The following KIF13A variants were observed in gnomAD, a reference collection of about 807,000 sequenced individuals.
KIF13A encodes kinesin-like protein KIF13A.
A neutral mutation model predicts 212.2 loss-of-function variants in KIF13A; 79 were observed. The observed-to-expected ratio is 0.37, with a 90% CI of 0.31 to 0.45. The LOEUF is 0.45. Among genes scored for constraint, KIF13A ranks in the 20% least tolerant of loss-of-function variants. The pLI, the probability that KIF13A is intolerant of heterozygous loss-of-function variation, is 1.00. For synonymous variants in KIF13A, 789 were observed against 808.6 expected, an observed-to-expected ratio of 0.98 and a Z score of 0.41; for missense variants, 1,901 against 2,209.0, an observed-to-expected ratio of 0.86 and a Z score of 2.79.
intron 2 of KIF13A, among the ~76,000 whole-genome samples, chr6:17,943,792 G>C (rs570133026): frequency 6.6e-6 from 1 of 152,160 alleles, no homozygotes; most frequent in Non-Finnish European, 1.5e-5. Context: ...GCGTGGAAGT[G>C]CGTGGCATGC....
rs181293563 is a variant in KIF13A at position 17,936,779 on chromosome 6, T to A, written c.147-38599A>T. Among the ~76,000 whole-genome samples, 773 of 152,224 alleles carry A rather than the reference T, an allele frequency of 5.1e-3. 2 individuals carry two copies. Among genetic ancestry groups the A allele is most frequent in the Middle Eastern group, 0.034 (10 of 294 alleles). On this transcript the variant is annotated intron_variant, in intron 2 of 38. Coordinates refer to ENST00000259711, the MANE Select transcript of KIF13A (RefSeq NM_022113.6). ...AATACAAACATTCAAAAAAATGTAA[T>A]GAATGATGAAATTTCTATAAAGCAG...
In KIF13A at chr6:17,825,995, A is replaced by G; in HGVS notation, c.1619+43T>C. On this transcript the variant is annotated intron_variant, in intron 15 of 38. Transcript: ENST00000259711. This position sits in a 1 kb window ranked among gnomAD's most constrained non-coding sequence, Gnocchi z 4.5. ...GTTTTACACTTAAATAGATAACAGA[A>G]AAAATGTATACGAAAATATATTACA... is the stretch of plus-strand genomic sequence containing the variant. 1 of 1,610,674 alleles carries G rather than the reference A, an allele frequency of 6.2e-7. No homozygotes were observed. The highest frequency in any genetic ancestry group is 1.3e-5 in the African/African-American group (1 of 74,918).
intron 2 of KIF13A, among the ~76,000 whole-genome samples, chr6:17,904,018 G>A (rs191952674): frequency 1.3e-5 from 2 of 151,920 alleles, no homozygotes; most frequent in African/African-American, 2.4e-5. Context: ...GTAGTTGGGT[G>A]TGGTGGCACA....
In KIF13A at chr6:17,926,264, C is replaced by T. The variant is rs904470330; in HGVS notation, c.147-28084G>A. 3.2e-4 allele frequency among the ~76,000 whole-genome samples: 49 copies of T among 152,162 alleles called. No individual in the cohort carries two copies. The highest frequency in any genetic ancestry group is 1.1e-3 in the African/African-American group (46 of 41,428). On this transcript the variant is annotated intron_variant, in intron 2 of 38. Coordinates refer to ENST00000259711, the MANE Select transcript of KIF13A (RefSeq NM_022113.6). The surrounding 1 kb of genome is among the most constrained non-coding windows in gnomAD (Gnocchi z 4.3). Reference sequence around the variant, plus strand: ...TTTATTTTTTTGAGGCAGAGTCTCACTCTGTCACCCAGACTGGAATGCAGT... The same window carrying T: ...TTTATTTTTTTGAGGCAGAGTCTCATTCTGTCACCCAGACTGGAATGCAGT...
At chr6:17,827,660 G>A (rs1170825152) in intron 14 of KIF13A, among the ~76,000 whole-genome samples, 1 of 151,928 alleles carries the variant, frequency 6.6e-6, no homozygotes, top group Non-Finnish European at 1.5e-5. Context: ...TGGGACTAGA[G>A]GAATTGAACA....
downstream of KIF13A, chr6:17,760,873 C>A: frequency 1.2e-6 from 2 of 1,613,716 alleles, no homozygotes; most frequent in Non-Finnish European, 1.7e-6. Context: ...TGAGGTTGTG[C>A]CTCCCTGGAA....
At chr6:17,873,326 GGAA>G in intron 4 of KIF13A, 48 bp downstream of exon 4, 1 of 1,233,018 alleles carries the variant, frequency 8.1e-7, no homozygotes, top group Non-Finnish European at 1.2e-6. Flanking sequence ...TAAACTCAAT[GGAA>G]GAAGAGGCCA....
At chr6:17,788,356 T>G (rs1463009138) in intron 26 of KIF13A, among the ~76,000 whole-genome samples, 1 of 152,148 alleles carries the variant, frequency 6.6e-6, no homozygotes, top group Non-Finnish European at 1.5e-5. Flanking sequence ...AGCAGAGAAC[T>G]TTTCAAACTT....
chr6:17,773,513 G>A lies in KIF13A; in HGVS notation c.4289C>T (p.Thr1430Ile), dbSNP rs1759672489. 1 of 1,610,478 alleles carries A rather than the reference G, an allele frequency of 6.2e-7. No individual in the cohort carries two copies. The highest frequency in any genetic ancestry group is 8.5e-7 in the Non-Finnish European group (1 of 1,177,260). ...SSYQDVACYGTLPRDSPRRNK... is the reference protein window; with the variant it reads ...SSYQDVACYGILPRDSPRRNK... Reference sequence around the variant, plus strand: ...CCTTCGAGGAGAATCCCTGGGTAAAGTTCCATAACATGCTACATCTTGGTA... The same window carrying A: ...CCTTCGAGGAGAATCCCTGGGTAAAATTCCATAACATGCTACATCTTGGTA... Residue 1430 changes from threonine (T) to isoleucine (I), a missense_variant, in exon 36 of 39, where the codon ACT (threonine) becomes ATT (isoleucine). Coordinates refer to ENST00000259711, the MANE Select transcript of KIF13A (RefSeq NM_022113.6). This position sits in a 1 kb window ranked among gnomAD's most constrained non-coding sequence, Gnocchi z 4.2.
At chr6:17,823,016 T>C (rs1052298061) in intron 16 of KIF13A, among the ~76,000 whole-genome samples, 1 of 149,884 alleles carries the variant, frequency 6.7e-6, no homozygotes, top group Non-Finnish European at 1.5e-5. Flanking sequence ...TTTTTCCTAC[T>C]TTTTTCTTCA....
At chr6:17,972,753 A>G (rs1201794419) in intron 2 of KIF13A, among the ~76,000 whole-genome samples, 1 of 151,714 alleles carries the variant, frequency 6.6e-6, no homozygotes, top group Non-Finnish European at 1.5e-5. Context: ...CCAAGACAAT[A>G]CAAAGGGCCA....
chr6:17,878,143 A>G (rs1210165875), intron 3 of KIF13A, among the ~76,000 whole-genome samples: 1 of 152,204 alleles, frequency 6.6e-6, no homozygotes, highest in East Asian at 1.9e-4. Context: ...CAATAAACAC[A>G]TATGACGCCA....
At chr6:17,957,721 T>C (rs1400851024) in intron 2 of KIF13A, among the ~76,000 whole-genome samples, 1 of 152,150 alleles carries the variant, frequency 6.6e-6, no homozygotes, top group Non-Finnish European at 1.5e-5. Flanking sequence ...TGCTTGTTGG[T>C]GGGGGAAAAC....
In KIF13A at chr6:17,809,007, G is replaced by GA; in HGVS notation, c.2001-78dup. ...CCGTTTCTAAGTGAGCATCTTATTA[G>GA]AAAATGGGAGAAAACTCCTCTCGGG... is the stretch of plus-strand genomic sequence containing the variant. On this transcript the variant is annotated intron_variant, in intron 17 of 38. Coordinates refer to ENST00000259711, the MANE Select transcript of KIF13A (RefSeq NM_022113.6). This position sits in a 1 kb window ranked among gnomAD's most constrained non-coding sequence, Gnocchi z 4.7. The GA allele has an allele frequency of 7.7e-7, 1 of 1,300,786 alleles. No individual in the cohort carries two copies. Among genetic ancestry groups the GA allele is most frequent in the East Asian group, 2.6e-5 (1 of 38,354 alleles). The allele number at this position is 1,300,786 out of a possible 1,614,324, so 80.6% of individuals were successfully genotyped here.
At chr6:17,941,787 T>G (rs1427154875) in intron 2 of KIF13A, among the ~76,000 whole-genome samples, 2 of 150,882 alleles carry the variant, frequency 1.3e-5, no homozygotes, top group African/African-American at 4.9e-5. Flanking sequence ...CCAATACATT[T>G]GCTTTTTTTT....
chr6:17,912,795 C>T lies in KIF13A; in HGVS notation c.147-14615G>A, dbSNP rs904198905. Among the ~76,000 whole-genome samples, 4 of 152,146 alleles carry T rather than the reference C, an allele frequency of 2.6e-5. No individual in the cohort carries two copies. Among genetic ancestry groups the T allele is most frequent in the African/African-American group, 4.8e-5 (2 of 41,418 alleles). On this transcript the variant is annotated intron_variant, in intron 2 of 38. Transcript: ENST00000259711. This position sits in a 1 kb window ranked among gnomAD's most constrained non-coding sequence, Gnocchi z 4.2. The stretch of plus-strand genomic sequence containing the variant: ...AAAGGTTACTTGTTTCTCATGGTAT[C>T]CTCCCTGTCCAGGTACTGGCCTCTG...
In KIF13A at chr6:17,811,787, CTCA is replaced by C. The variant is rs1763443727; in HGVS notation, c.2001-2860_2001-2858del. On this transcript the variant is annotated intron_variant, in intron 17 of 38. Coordinates refer to ENST00000259711, the MANE Select transcript of KIF13A (RefSeq NM_022113.6). The surrounding 1 kb of genome is among the most constrained non-coding windows in gnomAD (Gnocchi z 6.0). Reference sequence around the variant, plus strand: ...TCTTTGAATGACATTCCCAAAATATCTCATCTTTTTTTTTCTTCCTTCCTTCCT... The same window carrying C: ...TCTTTGAATGACATTCCCAAAATATCTCTTTTTTTTTCTTCCTTCCTTCCT... 6.6e-6 allele frequency among the ~76,000 whole-genome samples: 1 copy of C among 152,112 alleles called. No homozygotes were observed. The highest frequency in any genetic ancestry group is 1.5e-5 in the Non-Finnish European group (1 of 68,012).
chr6:17,817,187 T>A lies in KIF13A; in HGVS notation c.1833A>T (p.Glu611Asp). The A allele has an allele frequency of 6.2e-7, 1 of 1,614,072 alleles. No homozygotes were observed. Among genetic ancestry groups the A allele is most frequent in the Middle Eastern group, 1.6e-4 (1 of 6,062 alleles). The stretch of plus-strand genomic sequence containing the variant: ...GCTCCTCTAGGGCACTTCTCTTTTC[T>A]TCTAGGTATTGTTTCTCCAGGACCT... ...VVQVLEKQYL[E>D]EKRSALEEQR... Residue 611 changes from glutamate to aspartate, a missense_variant, in exon 17 of 39, where the codon GAA becomes GAT. Glu to Asp is a conservative substitution (Grantham distance 45). Transcript: ENST00000259711.
Position 17,837,064 on chromosome 6 carries a change from G to A in KIF13A, c.969C>T (p.Thr323=), listed in dbSNP as rs755567793. ...CTGGGCTGATTGTGGCTATCATAGA[G>A]GTTTGGCTGTTGCCCCCCAAGTTGT... The part of the protein sequence containing the change: ...LKDNLGGNSQ[T]SMIATISPAA... The change falls in exon 11 of 39, where the codon ACC becomes ACT. Residue 323 remains threonine (T), a synonymous_variant. Coordinates refer to ENST00000259711, the MANE Select transcript of KIF13A (RefSeq NM_022113.6). This position sits in a 1 kb window ranked among gnomAD's most constrained non-coding sequence, Gnocchi z 5.4. 1.2e-6 allele frequency: 2 copies of A among 1,613,870 alleles called. No homozygotes were observed. Among genetic ancestry groups the A allele is most frequent in the Non-Finnish European group, 1.7e-6 (2 of 1,179,858 alleles).
Sources: gnomAD v4.1 joint callset for allele counts (sites outside exome capture counted in the v4.1 genomes callset) on GRCh38, gnomAD v4.1.1 for gene constraint, Gnocchi (gnomAD v3.1) non-coding constraint, MANE v1.5 for transcripts, NCBI Gene and HGNC (gene_info 2026-07-23, HGNC 2026-07-21) for gene names.